NLGN4X: variants seen among roughly 807,000 people sequenced by gnomAD.
NLGN4X encodes neuroligin 4 X-linked, also known as neuroligin-4, X-linked.
In NLGN4X, 3 loss-of-function variants were observed where a neutral mutation model predicts 40.3. The observed-to-expected ratio is 0.07, with a 90% CI of 0.03 to 0.19. The LOEUF (loss-of-function observed/expected upper bound fraction) is 0.19, where lower values mean the gene tolerates loss of function less well. NLGN4X is among the 10% of genes least tolerant of loss of function. NLGN4X has a pLI of 1.00. For synonymous variants in NLGN4X, 270 were observed against 306.8 expected (o/e 0.88, Z 1.25); for missense variants, 382 against 708.3 (o/e 0.54, Z 5.23).
intron 1 of NLGN4X, among the ~76,000 whole-genome samples, chrX:6,168,711 A>G (rs1305636100): frequency 1.8e-5 from 2 of 111,175 alleles, no homozygotes; most frequent in African/African-American, 6.5e-5. Context: ...GCTTCAAGCA[A>G]TCCTCCTGCT....
intron 2 of NLGN4X, among the ~76,000 whole-genome samples, chrX:6,117,440 C>T (rs1157350748): frequency 4.5e-5 from 5 of 111,195 alleles, no homozygotes; most frequent in Non-Finnish European, 9.4e-5. Flanking sequence ...CTAGTTAACT[C>T]TTCTACACTT....
chrX:6,025,138 A>C (rs2036656240), intron 3 of NLGN4X, among the ~76,000 whole-genome samples: 1 of 111,364 alleles, frequency 9.0e-6, no homozygotes. Flanking sequence ...ACACCAATTC[A>C]ATCAGAAGAC....
intron 2 of NLGN4X, among the ~76,000 whole-genome samples, chrX:6,063,728 G>A (rs1244796693): frequency 1.8e-5 from 2 of 112,295 alleles, no homozygotes; most frequent in African/African-American, 6.5e-5. Flanking sequence ...TGATACATAA[G>A]CCATTACAGT....
At chrX:5,911,664 G>A (rs1232855299) in intron 3 of NLGN4X, among the ~76,000 whole-genome samples, 2 of 111,802 alleles carry the variant, frequency 1.8e-5, no homozygotes, top group African/African-American at 6.5e-5. Flanking sequence ...ATCAACAAGG[G>A]GGAGTGCCTG....
chrX:5,893,378 G>C lies in NLGN4X; in HGVS notation c.1890C>G (p.Ala630=). The C allele has an allele frequency of 1.7e-6, 2 of 1,210,894 alleles. No individual in the cohort carries two copies. Among genetic ancestry groups the C allele is most frequent in the Non-Finnish European group, 2.2e-6 (2 of 895,303 alleles). ...GGCGTTTGGTGGTTGGCCATATCTT[G>C]GCGGGAGATCGCCGGGTGCCATAGG... The part of the protein sequence containing the change: ...SFPYGTRRSP[A]KIWPTTKRPA... Residue 630 remains alanine (A), a synonymous_variant, in exon 6 of 6, where the codon GCC becomes GCG. Coordinates refer to ENST00000381095, the MANE Select transcript of NLGN4X (RefSeq NM_181332.3).
intron 2 of NLGN4X, among the ~76,000 whole-genome samples, chrX:6,069,463 T>A (rs961189048): frequency 1.8e-5 from 2 of 111,845 alleles, no homozygotes; most frequent in South Asian, 3.7e-4. Context: ...CAGAGATTAA[T>A]GCAACAGAAA....
At chrX:6,192,727 G>A (rs764758448) in intron 1 of NLGN4X, among the ~76,000 whole-genome samples, 1 of 111,471 alleles carries the variant, frequency 9.0e-6, no homozygotes, top group African/African-American at 3.3e-5. Flanking sequence ...CCTCCCTTGT[G>A]GATCTGTTTC....
chrX:6,021,020 C>G (rs1245319854), intron 3 of NLGN4X, among the ~76,000 whole-genome samples: 1 of 19,608 alleles, frequency 5.1e-5, no homozygotes. Context: ...CTCTCTCTCT[C>G]TCTCTCTCTC....
rs369852694 is a variant in NLGN4X, at chrX:6,192,231, G to A, written c.-306+36310C>T. 4.5e-5 allele frequency among the ~76,000 whole-genome samples: 5 copies of A among 111,091 alleles called. No homozygotes were observed. In the South Asian group the frequency reaches 1.9e-3, roughly 43 times the overall value. On this transcript the variant is annotated intron_variant, in intron 1 of 5. Coordinates refer to ENST00000381095, the MANE Select transcript of NLGN4X (RefSeq NM_181332.3). ...CAGCCTCAAACTCCTGAGCTCAAGC[G>A]ATCCTCCCACCTCAGCCTCCCAAGT...
chrX:5,916,470 G>A (rs1278000650), intron 3 of NLGN4X, among the ~76,000 whole-genome samples: 1 of 110,917 alleles, frequency 9.0e-6, no homozygotes. Context: ...TTTTTTTTGA[G>A]ACAGAGTTTC....
chrX:6,091,388 A>G (rs1169223189), intron 2 of NLGN4X, among the ~76,000 whole-genome samples: 2 of 111,255 alleles, frequency 1.8e-5, no homozygotes, highest in Non-Finnish European at 3.8e-5. Flanking sequence ...GCACTGCTAC[A>G]AGATCCCTTC....
At chrX:6,098,013 G>A (rs1484447929) in intron 2 of NLGN4X, among the ~76,000 whole-genome samples, 1 of 112,933 alleles carries the variant, frequency 8.9e-6, no homozygotes, top group Non-Finnish European at 1.9e-5. Flanking sequence ...TAGAGGGTGG[G>A]GCGCGATGGC....
chrX:6,026,051 T>A (rs1036938873), intron 3 of NLGN4X, among the ~76,000 whole-genome samples: 3 of 111,320 alleles, frequency 2.7e-5, no homozygotes, highest in Non-Finnish European at 3.8e-5. Flanking sequence ...CTTCTACATC[T>A]AAGGAAAGAG....
At chrX:6,197,685 A>G (rs1293445734) in intron 1 of NLGN4X, among the ~76,000 whole-genome samples, 2 of 111,468 alleles carry the variant, frequency 1.8e-5, no homozygotes, top group African/African-American at 3.3e-5. Flanking sequence ...CACTATCTAA[A>G]AGTATCTTTT....
intron 3 of NLGN4X, among the ~76,000 whole-genome samples, chrX:5,961,710 A>C (rs776141845): frequency 8.9e-6 from 1 of 112,360 alleles, no homozygotes; most frequent in African/African-American, 3.2e-5. Context: ...GTCAATTTGA[A>C]ATCCTATTAA....
At chrX:6,110,763 T>C (rs1375143234) in intron 2 of NLGN4X, among the ~76,000 whole-genome samples, 1 of 111,954 alleles carries the variant, frequency 8.9e-6, no homozygotes, top group Non-Finnish European at 1.9e-5. Flanking sequence ...TTTGAGACTC[T>C]GGCTAACAAA....
At chrX:5,991,762 A>G (rs2035691517) in intron 3 of NLGN4X, among the ~76,000 whole-genome samples, 1 of 112,334 alleles carries the variant, frequency 8.9e-6, no homozygotes, top group Non-Finnish European at 1.9e-5. Flanking sequence ...TGAAATCAGC[A>G]GTAAAGACAG....
intron 2 of NLGN4X, among the ~76,000 whole-genome samples, chrX:6,119,325 A>G (rs1046752657): frequency 1.8e-5 from 2 of 112,235 alleles, no homozygotes; most frequent in African/African-American, 6.5e-5. Context: ...AATTAAACAG[A>G]TATTTTATGA....
chrX:6,026,196 T>C (rs1387257552), intron 3 of NLGN4X, among the ~76,000 whole-genome samples: 2 of 110,674 alleles, frequency 1.8e-5, no homozygotes, highest in Non-Finnish European at 3.8e-5. Flanking sequence ...TTCATCTTTT[T>C]AATCCTCTCT....
Sources: gnomAD v4.1 joint callset for allele counts (sites outside exome capture counted in the v4.1 genomes callset) on GRCh38, gnomAD v4.1.1 for gene constraint, MANE v1.5 for transcripts, NCBI Gene and HGNC (gene_info 2026-07-23, HGNC 2026-07-21) for gene names.